The following SAMD4A variants were observed in gnomAD, a reference collection of about 807,000 sequenced individuals.
The protein encoded by SAMD4A is protein Smaug homolog 1.
Under a neutral mutation model 81.3 loss-of-function variants are expected in SAMD4A, and 33 were observed. That is an observed-to-expected ratio of 0.41 (90% confidence interval 0.31 to 0.54). SAMD4A has a LOEUF of 0.54. SAMD4A is among the 20% of genes least tolerant of loss of function. SAMD4A has a pLI of 0.37. For synonymous variants in SAMD4A, 389 were observed against 382.1 expected, an observed-to-expected ratio of 1.02 and a Z score of -0.21; for missense variants, 854 against 951.1, an observed-to-expected ratio of 0.90 and a Z score of 1.34.
chr14:54,610,510 T>G (rs1207954684), intron 2 of SAMD4A, among the ~76,000 whole-genome samples: 1 of 152,202 alleles, frequency 6.6e-6, no homozygotes, highest in African/African-American at 2.4e-5. Flanking sequence ...AAAGTATTTT[T>G]TGGCACATAT....
chr14:54,750,597 A>C (rs1287257375), intron 5 of SAMD4A, among the ~76,000 whole-genome samples: 2 of 152,238 alleles, frequency 1.3e-5, no homozygotes, highest in Non-Finnish European at 2.9e-5. Context: ...TTTCTATTCT[A>C]GTTTTCCTTA....
chr14:54,634,719 ATCTGTCTGTCTGTCTG>A (rs3049869), intron 2 of SAMD4A, among the ~76,000 whole-genome samples: 3,507 of 142,508 alleles, frequency 0.025, 133 homozygotes, highest in African/African-American at 0.086. Context: ...CTATCTATCT[ATCTGTCTGTCTGTCTG>A]TCTGTCTGTC....
At chr14:54,766,461 A>G (rs931131094) in intron 8 of SAMD4A, among the ~76,000 whole-genome samples, 1 of 152,176 alleles carries the variant, frequency 6.6e-6, no homozygotes, top group African/African-American at 2.4e-5. Flanking sequence ...GCCCTGGAGC[A>G]CAGAGGAGCA....
At chr14:54,616,806 A>G (rs2034502208) in intron 2 of SAMD4A, among the ~76,000 whole-genome samples, 1 of 152,162 alleles carries the variant, frequency 6.6e-6, no homozygotes, top group African/African-American at 2.4e-5. Context: ...TTTTCACTCC[A>G]ATTTTCTGAA....
At chr14:54,734,450 GA>G (rs1334323925) in intron 3 of SAMD4A, among the ~76,000 whole-genome samples, 1 of 152,210 alleles carries the variant, frequency 6.6e-6, no homozygotes, top group African/African-American at 2.4e-5. Context: ...AAGTCATCAG[GA>G]AAAGACCCTG....
At chr14:54,648,119 G>A (rs1316002500) in intron 2 of SAMD4A, among the ~76,000 whole-genome samples, 1 of 152,210 alleles carries the variant, frequency 6.6e-6, no homozygotes, top group Non-Finnish European at 1.5e-5. Flanking sequence ...AAGTGGGAGG[G>A]GAATGGAGGC....
intron 3 of SAMD4A, among the ~76,000 whole-genome samples, chr14:54,722,427 G>C (rs1431773523): frequency 6.6e-6 from 1 of 152,146 alleles, no homozygotes; most frequent in African/African-American, 2.4e-5. Context: ...CTCAACATTT[G>C]GGTCCTGCAA....
chr14:54,582,775 A>G (rs2033505467), intron 2 of SAMD4A, among the ~76,000 whole-genome samples: 1 of 152,194 alleles, frequency 6.6e-6, no homozygotes, highest in Admixed American at 6.5e-5. Flanking sequence ...ACACCAGGAA[A>G]TGTCCTTATT....
chr14:54,737,197 G>A lies in SAMD4A; in HGVS notation c.889G>A (p.Val297Ile), dbSNP rs2037718292. The change falls in exon 4 of 13, where the codon GTA (valine) becomes ATA (isoleucine). Residue 297 changes from valine (V) to isoleucine (I), a missense_variant. Physicochemically the swap from Val to Ile is conservative, Grantham distance 29 (BLOSUM62 3). Transcript: ENST00000554335. ...TGCCCCCCTGTCTCCACAAAGCAGT[G>A]TAGCCTCTTCAGGAAGTGGTGGGAG... is the stretch of plus-strand genomic sequence containing the variant. ...DHAPLSPQSS[V>I]ASSGSGGSEH... The A allele has an allele frequency of 6.2e-7, 1 of 1,613,998 alleles. No homozygotes were observed. Among genetic ancestry groups the A allele is most frequent in the Admixed American group, 1.7e-5 (1 of 60,004 alleles).
intron 2 of SAMD4A, among the ~76,000 whole-genome samples, chr14:54,594,638 G>A (rs184444194): frequency 1.4e-3 from 213 of 152,272 alleles, no homozygotes; most frequent in Non-Finnish European, 2.6e-3. Flanking sequence ...TTAGTATTCA[G>A]AGGTTAAATT....
intron 8 of SAMD4A, among the ~76,000 whole-genome samples, chr14:54,765,516 G>A (rs561822134): frequency 3.9e-4 from 58 of 150,644 alleles, no homozygotes; most frequent in African/African-American, 1.1e-3. Context: ...CCAGCTACTC[G>A]GGAGGCCAAG....
intron 2 of SAMD4A, among the ~76,000 whole-genome samples, chr14:54,591,259 C>T (rs2033766433): frequency 6.6e-6 from 1 of 152,096 alleles, no homozygotes; most frequent in Non-Finnish European, 1.5e-5. Context: ...GTATTCCTAG[C>T]CTCTAGGGGT....
Position 54,567,905 on chromosome 14 carries a change from G to A in SAMD4A, c.-12G>A, listed in dbSNP as rs756716883. 2 of 1,603,408 alleles carry A rather than the reference G, an allele frequency of 1.2e-6. No homozygotes were observed. Among genetic ancestry groups the A allele is most frequent in the East Asian group, 2.2e-5 (1 of 44,492 alleles). On this transcript the variant is annotated 5_prime_UTR_variant, in exon 2 of 13. Coordinates refer to ENST00000554335, the MANE Select transcript of SAMD4A (RefSeq NM_015589.6). ...CCAGGGGGCTCTGTAGACCGAGGGC[G>A]GCCCCCTAACCATGATGTTTCGCGA...
At chr14:54,679,255 T>G (rs2036073408) in intron 2 of SAMD4A, among the ~76,000 whole-genome samples, 1 of 152,198 alleles carries the variant, frequency 6.6e-6, no homozygotes, top group South Asian at 2.1e-4. Context: ...AAGCAGACAT[T>G]TAGAAGCAAG....
At chr14:54,685,278 C>A (rs1415561915) in intron 2 of SAMD4A, among the ~76,000 whole-genome samples, 1 of 147,354 alleles carries the variant, frequency 6.8e-6, no homozygotes, top group South Asian at 2.3e-4. Context: ...CTTCCTGCCC[C>A]CCCCCCCAGC....
At chr14:54,595,748 T>A (rs1161509812) in intron 2 of SAMD4A, among the ~76,000 whole-genome samples, 1 of 152,186 alleles carries the variant, frequency 6.6e-6, no homozygotes, top group Non-Finnish European at 1.5e-5. Flanking sequence ...TGTGAAAAAT[T>A]ATTAACATTC....
At chr14:54,746,049 C>G (rs2037960398) in intron 4 of SAMD4A, among the ~76,000 whole-genome samples, 1 of 152,222 alleles carries the variant, frequency 6.6e-6, no homozygotes, top group South Asian at 2.1e-4. Context: ...CTTACAGAAT[C>G]CAGCATCCAA....
intron 2 of SAMD4A, among the ~76,000 whole-genome samples, chr14:54,590,572 TCTCTTTC>T (rs1219812897): frequency 6.6e-6 from 1 of 152,192 alleles, no homozygotes; most frequent in Admixed American, 6.5e-5. Context: ...TCTTCCCTTT[TCTCTTTC>T]CTGAGTGTCT....
intron 3 of SAMD4A, 26 bp from the exon 4 acceptor site, chr14:54,736,998 C>G (rs970376513): frequency 4.3e-6 from 7 of 1,609,860 alleles, no homozygotes; most frequent in Admixed American, 1.7e-5. Context: ...GGGGAATAAC[C>G]TATTTCATTT....
Sources: gnomAD v4.1 joint callset for allele counts (sites outside exome capture counted in the v4.1 genomes callset) on GRCh38, gnomAD v4.1.1 for gene constraint, MANE v1.5 for transcripts, NCBI Gene and HGNC (gene_info 2026-07-23, HGNC 2026-07-21) for gene names.